LUZP2: variants seen among roughly 807,000 people sequenced by gnomAD.
LUZP2 encodes the protein leucine zipper protein 2.
In LUZP2, 52 loss-of-function variants were observed where a neutral mutation model predicts 51.6. The observed-to-expected ratio is 1.01, with a 90% confidence interval of 0.81 to 1.27. LUZP2 has a LOEUF of 1.27. Among genes scored for constraint, LUZP2 ranks in the 50% most tolerant of loss-of-function variants. The pLI is 0.00. For missense variants in LUZP2, 436 were observed against 395.4 expected (o/e 1.10, Z -0.87); for synonymous variants, 154 against 137.3 (o/e 1.12, Z -0.85).
intron 1 of LUZP2, among the ~76,000 whole-genome samples, chr11:24,599,695 T>G (rs1418575897): frequency 6.6e-6 from 1 of 152,210 alleles, no homozygotes; most frequent in East Asian, 1.9e-4. Flanking sequence ...TTCACAGTTT[T>G]TTTCTGTGTT....
chr11:24,502,363 T>C (rs1321177766), intron 1 of LUZP2, among the ~76,000 whole-genome samples: 1 of 149,264 alleles, frequency 6.7e-6, no homozygotes, highest in Non-Finnish European at 1.5e-5. Flanking sequence ...ATTAGGCTAG[T>C]TTTTTTCCAA....
intron 7 of LUZP2, among the ~76,000 whole-genome samples, chr11:24,960,623 TG>T (rs546354102): frequency 4.8e-4 from 73 of 152,262 alleles, no homozygotes; most frequent in Middle Eastern, 6.8e-3. Flanking sequence ...TGTGTCTATT[TG>T]ATTCTTCTCT....
chr11:24,922,698 C>T lies in LUZP2; in HGVS notation c.522+8160C>T, dbSNP rs184473222. The stretch of plus-strand genomic sequence containing the variant: ...GCTTGTCAAATCACATTCATTTGTG[C>T]GTCAAAATAATTATATGAGTCAGAC... On this transcript the variant is annotated intron_variant, in intron 7 of 11. Coordinates refer to ENST00000336930, the MANE Select transcript of LUZP2 (RefSeq NM_001009909.4). Among the ~76,000 whole-genome samples the T allele has an allele frequency of 8.6e-3, 1,300 of 151,862 alleles. 10 individuals carry two copies. The highest frequency in any genetic ancestry group is 0.013 in the Non-Finnish European group (856 of 67,956).
rs1859465473 is a variant in LUZP2 at position 25,081,727 on chromosome 11, T to C, written c.*3069T>C. 6.6e-6 allele frequency: 1 copy of C among 152,096 alleles called. No homozygotes were observed. The highest frequency in any genetic ancestry group is 1.5e-5 in the Non-Finnish European group (1 of 68,002). The allele number at this position is 152,096 out of a possible 1,614,324, so 9.4% of individuals were successfully genotyped here. On this transcript the variant is annotated 3_prime_UTR_variant, in exon 12 of 12. Coordinates refer to ENST00000336930, the MANE Select transcript of LUZP2 (RefSeq NM_001009909.4). ...CCAACCATCCTCATATAGAATAAAA[T>C]ATCAACCTAAATCTTTACTATAGAT... is the stretch of plus-strand genomic sequence containing the variant.
At chr11:24,883,249 T>C (rs1319545681) in intron 5 of LUZP2, among the ~76,000 whole-genome samples, 1 of 151,930 alleles carries the variant, frequency 6.6e-6, no homozygotes, top group African/African-American at 2.4e-5. Context: ...GTTAAGAGCG[T>C]AGGAAGAAAA....
chr11:24,711,733 TA>T (rs2133932417), intron 1 of LUZP2, among the ~76,000 whole-genome samples: 1 of 152,290 alleles, frequency 6.6e-6, no homozygotes, highest in Non-Finnish European at 1.5e-5. Context: ...GTTTTTTCCC[TA>T]ATTTTTTGCC....
At chr11:24,652,095 C>CACATGTTGTGT (rs1565054123) in intron 1 of LUZP2, among the ~76,000 whole-genome samples, 4 of 138,400 alleles carry the variant, frequency 2.9e-5, no homozygotes, top group African/African-American at 8.2e-5. Context: ...ACATGTTGTG[C>CACATGTTGTGT]ATGTGTGTAT....
At chr11:25,000,046 T>C (rs1856634666) in intron 9 of LUZP2, among the ~76,000 whole-genome samples, 1 of 152,194 alleles carries the variant, frequency 6.6e-6, no homozygotes, top group Non-Finnish European at 1.5e-5. Flanking sequence ...GAGCACTGAT[T>C]GATCCATTTT....
chr11:25,006,195 A>G (rs1207928295), intron 9 of LUZP2, among the ~76,000 whole-genome samples: 1 of 152,076 alleles, frequency 6.6e-6, no homozygotes, highest in Non-Finnish European at 1.5e-5. Context: ...TTTATACTAG[A>G]AATCATTCTT....
At chr11:24,631,846 C>T (rs1854902910) in intron 1 of LUZP2, among the ~76,000 whole-genome samples, 2 of 151,878 alleles carry the variant, frequency 1.3e-5, no homozygotes, top group African/African-American at 4.8e-5. Context: ...TATTTTATTA[C>T]TGATTCAATC....
At position 24,931,763 on chromosome 11, in the gene LUZP2, T is replaced by C. The variant is rs141386116; in HGVS notation, c.522+17225T>C. Among the ~76,000 whole-genome samples, 691 of 152,346 alleles carry C rather than the reference T, an allele frequency of 4.5e-3. 4 individuals carry two copies. The highest frequency in any genetic ancestry group is 0.016 in the African/African-American group (662 of 41,582). ...TCAGAGATTTTTGTCTTGGTTGAGATCCATTGCTGCTGAACTAGTGTGGTC... is the reference window on the plus strand; with the variant it reads ...TCAGAGATTTTTGTCTTGGTTGAGACCCATTGCTGCTGAACTAGTGTGGTC... On this transcript the variant is annotated intron_variant, in intron 7 of 11. Coordinates refer to ENST00000336930, the MANE Select transcript of LUZP2 (RefSeq NM_001009909.4).
At chr11:24,530,666 T>A (rs150870050) in intron 1 of LUZP2, among the ~76,000 whole-genome samples, 1 of 150,602 alleles carries the variant, frequency 6.6e-6, no homozygotes, top group Non-Finnish European at 1.5e-5. Flanking sequence ...TTCAAGTTTG[T>A]CAGTTGTTTA....
intron 9 of LUZP2, among the ~76,000 whole-genome samples, chr11:25,030,066 T>C (rs1227192965): frequency 6.6e-6 from 1 of 152,148 alleles, no homozygotes; most frequent in African/African-American, 2.4e-5. Context: ...TCATGCAAAA[T>C]GCTTGTCCTA....
intron 1 of LUZP2, among the ~76,000 whole-genome samples, chr11:24,695,311 T>G (rs1239062567): frequency 6.6e-6 from 1 of 152,058 alleles, no homozygotes; most frequent in East Asian, 1.9e-4. Flanking sequence ...ATTAGTAAAA[T>G]GTGATCTTTA....
intron 1 of LUZP2, among the ~76,000 whole-genome samples, chr11:24,529,034 C>A (rs1850909236): frequency 6.6e-6 from 1 of 150,882 alleles, no homozygotes; most frequent in South Asian, 2.1e-4. Flanking sequence ...TCTGTCTCAC[C>A]CCTTCAAACT....
chr11:24,803,978 C>T (rs1590558588), intron 5 of LUZP2, among the ~76,000 whole-genome samples: 1 of 110,404 alleles, frequency 9.1e-6, no homozygotes, highest in Non-Finnish European at 1.8e-5. Context: ...GAAGTACAAA[C>T]AAGCAAGTGC....
Position 24,592,319 on chromosome 11 carries a change from A to G in LUZP2, c.62+95014A>G, listed in dbSNP as rs371795973. 2.6e-5 allele frequency among the ~76,000 whole-genome samples: 4 copies of G among 152,296 alleles called. No homozygotes were observed. In the South Asian group the frequency reaches 8.3e-4, roughly 32 times the overall value. ...AATTAGAATTTGAGGAATATTTCAC[A>G]TTTGATTTGAGATTTTGATTTTTTC... On this transcript the variant is annotated intron_variant, in intron 1 of 11. Coordinates refer to ENST00000336930, the MANE Select transcript of LUZP2 (RefSeq NM_001009909.4).
intron 1 of LUZP2, among the ~76,000 whole-genome samples, chr11:24,595,577 T>C (rs926540083): frequency 6.6e-6 from 1 of 152,322 alleles, no homozygotes; most frequent in Non-Finnish European, 1.5e-5. Context: ...TTATTCATCA[T>C]TGAGATATTT....
chr11:24,976,577 C>T lies in LUZP2; in HGVS notation c.523-14C>T. 6.4e-7 allele frequency: 1 copy of T among 1,558,382 alleles called. No individual in the cohort carries two copies. Among genetic ancestry groups the T allele is most frequent in the East Asian group, 2.3e-5 (1 of 42,596 alleles). On this transcript the variant is annotated splice_polypyrimidine_tract_variant and intron_variant, in intron 7 of 11. Transcript: ENST00000336930. The stretch of plus-strand genomic sequence containing the variant: ...TGCAGAATTTATCTAGAAGATTTAT[C>T]TCTTATTTTACAGGCGCAGCAGCTT...
Sources: allele counts gnomAD v4.1 joint callset (sites outside exome capture counted in the v4.1 genomes callset), GRCh38; gene constraint gnomAD v4.1.1; transcripts MANE v1.5; gene names NCBI Gene and HGNC (gene_info 2026-07-23, HGNC 2026-07-21).